Variants in SHISA9 observed in about 807,000 individuals in gnomAD.
SHISA9 encodes protein shisa-9.
Under a neutral mutation model 38.0 loss-of-function variants are expected in SHISA9, and 13 were observed. That is an observed-to-expected ratio of 0.34 (90% CI 0.22 to 0.54). The LOEUF (loss-of-function observed/expected upper bound fraction) is 0.54. Among genes scored for constraint, SHISA9 ranks in the 20% least tolerant of loss-of-function variants. SHISA9 has a pLI of 0.91. For synonymous variants in SHISA9, 275 were observed against 242.0 expected, an observed-to-expected ratio of 1.14 and a Z score of -1.27; for missense variants, 538 against 575.8, an observed-to-expected ratio of 0.93 and a Z score of 0.67.
the SHISA9 span, among the ~76,000 whole-genome samples, chr16:13,459,803 A>T: frequency 6.6e-6 from 1 of 152,238 alleles, no homozygotes; most frequent in Non-Finnish European, 1.5e-5. Context: ...TCATGCCGTT[A>T]TCTGGCCATT....
rs370624292 is a variant in SHISA9 at position 13,235,553 on chromosome 16, A to G, written c.*144A>G. 32 of 1,088,152 alleles carry G rather than the reference A, an allele frequency of 2.9e-5. No individual in the cohort carries two copies. In the East Asian group the frequency reaches 3.4e-4, roughly 12 times the overall value. 67.4% of individuals were successfully genotyped at this position (1,088,152 alleles called of 1,614,324 possible). ...AGAACCAACTCTAAACCTACTGGGG[A>G]CACAGAGTCGCGCTTTTCCTAGGTC... On this transcript the variant is annotated 3_prime_UTR_variant, in exon 5 of 5. Transcript: ENST00000558583.
chr16:13,079,964 A>G (rs965625339), intron 2 of SHISA9, among the ~76,000 whole-genome samples: 5 of 152,220 alleles, frequency 3.3e-5, no homozygotes, highest in African/African-American at 1.2e-4. Flanking sequence ...AACCTTTCCT[A>G]GCATGAAGGA....
At chr16:13,526,875 G>A in the SHISA9 span, among the ~76,000 whole-genome samples, 1 of 152,168 alleles carries the variant, frequency 6.6e-6, no homozygotes, top group African/African-American at 2.4e-5. Flanking sequence ...CCATGGTGAA[G>A]AACCCTGCTT....
At chr16:13,046,200 A>T (rs148801681) in intron 2 of SHISA9, among the ~76,000 whole-genome samples, 5 of 152,340 alleles carry the variant, frequency 3.3e-5, no homozygotes, top group African/African-American at 1.2e-4. Flanking sequence ...GCCAAGATGA[A>T]TAATGAATGT....
At chr16:13,304,877 G>T in the SHISA9 span, among the ~76,000 whole-genome samples, 9 of 152,152 alleles carry the variant, frequency 5.9e-5, no homozygotes, top group African/African-American at 2.2e-4. Flanking sequence ...TCTATGAGGG[G>T]CATATAGCAC....
intron 2 of SHISA9, among the ~76,000 whole-genome samples, chr16:12,975,493 A>C (rs148104764): frequency 8.5e-5 from 13 of 152,116 alleles, no homozygotes; most frequent in African/African-American, 2.4e-4. Flanking sequence ...ACAGAGTGAG[A>C]CTCCATAAAA....
the SHISA9 span, among the ~76,000 whole-genome samples, chr16:13,413,077 C>T: frequency 1.3e-5 from 2 of 152,128 alleles, no homozygotes; most frequent in African/African-American, 4.8e-5. Flanking sequence ...TCACCTAGAT[C>T]AGATGAAAAC....
chr16:13,136,394 T>G (rs2141991632), intron 2 of SHISA9, among the ~76,000 whole-genome samples: 1 of 137,824 alleles, frequency 7.3e-6, no homozygotes, highest in South Asian at 2.2e-4. Context: ...TACAGTTTCC[T>G]TCTTTTTTTT....
the SHISA9 span, among the ~76,000 whole-genome samples, chr16:13,277,054 G>A: frequency 1.3e-5 from 2 of 152,016 alleles, no homozygotes; most frequent in Non-Finnish European, 2.9e-5. Context: ...TCAGGTATTA[G>A]GTTTAAGTCC....
chr16:13,423,175 GC>G, the SHISA9 span, among the ~76,000 whole-genome samples: 1 of 152,156 alleles, frequency 6.6e-6, no homozygotes, highest in African/African-American at 2.4e-5. Context: ...GCATCCAGGA[GC>G]CCCAGAGGTC....
At chr16:13,198,461 C>T (rs2050971684) in intron 2 of SHISA9, among the ~76,000 whole-genome samples, 1 of 152,182 alleles carries the variant, frequency 6.6e-6, no homozygotes. Flanking sequence ...TTTCTTCTCT[C>T]AACTTGGCAA....
chr16:13,039,454 A>G (rs774897672), intron 2 of SHISA9, among the ~76,000 whole-genome samples: 35 of 151,082 alleles, frequency 2.3e-4, no homozygotes, highest in Non-Finnish European at 2.7e-4. Flanking sequence ...TTGCAAAAAG[A>G]CATGCCTGCC....
the SHISA9 span, among the ~76,000 whole-genome samples, chr16:13,371,656 G>A: frequency 6.6e-6 from 1 of 152,238 alleles, no homozygotes; most frequent in African/African-American, 2.4e-5. Flanking sequence ...GTCCCTTCAT[G>A]ATGAAGAACC....
At chr16:13,482,388 G>A in the SHISA9 span, among the ~76,000 whole-genome samples, 337 of 152,314 alleles carry the variant, frequency 2.2e-3, 1 homozygote, top group Non-Finnish European at 4.2e-3. Flanking sequence ...TATTACCCCA[G>A]CGGTATTCAC....
the SHISA9 span, among the ~76,000 whole-genome samples, chr16:13,423,356 T>C: frequency 1.3e-5 from 2 of 152,176 alleles, no homozygotes; most frequent in Non-Finnish European, 2.9e-5. Context: ...AAAAGGGAGA[T>C]AAGTTCAAAG....
At chr16:13,055,167 A>G (rs1475026471) in intron 2 of SHISA9, among the ~76,000 whole-genome samples, 1 of 152,238 alleles carries the variant, frequency 6.6e-6, no homozygotes, top group Non-Finnish European at 1.5e-5. Context: ...TATAATCCAC[A>G]GAAACCTCAT....
chr16:13,103,362 T>C (rs1412473049), intron 2 of SHISA9, among the ~76,000 whole-genome samples: 1 of 152,220 alleles, frequency 6.6e-6, no homozygotes, highest in African/African-American at 2.4e-5. Context: ...GTTTTAGTTA[T>C]ACATAGAGGG....
the SHISA9 span, among the ~76,000 whole-genome samples, chr16:13,466,504 C>G: frequency 6.6e-6 from 1 of 152,138 alleles, no homozygotes; most frequent in African/African-American, 2.4e-5. Context: ...CACCAAGTAA[C>G]AAGCCATGAC....
chr16:13,032,223 GTCA>G (rs1259494552), intron 2 of SHISA9, among the ~76,000 whole-genome samples: 2 of 152,000 alleles, frequency 1.3e-5, no homozygotes, highest in African/African-American at 4.8e-5. Flanking sequence ...CCCTCACTGT[GTCA>G]GTGCATTCTC....
Sources: allele counts gnomAD v4.1 joint callset (sites outside exome capture counted in the v4.1 genomes callset), GRCh38; gene constraint gnomAD v4.1.1; transcripts MANE v1.5; gene names NCBI Gene and HGNC (gene_info 2026-07-23, HGNC 2026-07-21).